SLC26A7: variants seen among roughly 807,000 people sequenced by gnomAD.
SLC26A7 encodes solute carrier family 26 member 7.
In SLC26A7, 59 loss-of-function variants were observed where a neutral mutation model predicts 82.5. The ratio of observed to expected loss-of-function variants is 0.72; its 90% CI spans 0.58 to 0.89. SLC26A7 has a LOEUF of 0.89. Among genes scored for constraint, SLC26A7 ranks in the 40% least tolerant of loss-of-function variants. The pLI is 0.00. For missense variants in SLC26A7, 820 were observed against 793.0 expected (o/e 1.03, Z -0.41); for synonymous variants, 271 against 274.3 (o/e 0.99, Z 0.12).
intron 4 of SLC26A7, among the ~76,000 whole-genome samples, chr8:91,300,166 T>C (rs546266374): frequency 2.5e-4 from 38 of 152,278 alleles, no homozygotes; most frequent in South Asian, 1.5e-3. Flanking sequence ...TTTTTCAGAG[T>C]GTTTTAAAAT....
Position 91,395,344 on chromosome 8 carries a change from T to G in SLC26A7, c.*247T>G, listed in dbSNP as rs762951400. 6.0e-6 allele frequency: 5 copies of G among 837,714 alleles called. No individual in the cohort carries two copies. Among genetic ancestry groups the G allele is most frequent in the South Asian group, 4.0e-5 (1 of 25,278 alleles). 51.9% of individuals were successfully genotyped at this position (837,714 alleles called of 1,614,324 possible). A position where few individuals can be genotyped will look rare whatever the true frequency, so the allele number is the denominator to read the frequency against. ...CAGTATGTGTTTAGTTTTAGTGTAC[T>G]GAAGGGTAAACATGGTTTTATTTTA... On this transcript the variant is annotated 3_prime_UTR_variant, in exon 19 of 19. Coordinates refer to ENST00000276609, the MANE Select transcript of SLC26A7 (RefSeq NM_052832.4).
intron 4 of SLC26A7, among the ~76,000 whole-genome samples, chr8:91,309,106 T>C (rs1015964132): frequency 6.6e-6 from 1 of 152,056 alleles, no homozygotes; most frequent in African/African-American, 2.4e-5. Flanking sequence ...TTTTTATGTA[T>C]GTTAAACATA....
chr8:91,236,014 AAC>A (rs1446786080), intron 2 of SLC26A7, among the ~76,000 whole-genome samples: 1 of 152,198 alleles, frequency 6.6e-6, no homozygotes, highest in Non-Finnish European at 1.5e-5. Flanking sequence ...TAACTTTATG[AAC>A]TATAAATCTC....
At chr8:91,293,128 A>G (rs1811918875) in intron 3 of SLC26A7, among the ~76,000 whole-genome samples, 1 of 152,158 alleles carries the variant, frequency 6.6e-6, no homozygotes, top group Non-Finnish European at 1.5e-5. Flanking sequence ...AAGCTGAGAG[A>G]GGTTAGGTAA....
intron 2 of SLC26A7, among the ~76,000 whole-genome samples, chr8:91,280,890 T>C (rs1323645796): frequency 1.3e-5 from 2 of 152,230 alleles, no homozygotes; most frequent in African/African-American, 4.8e-5. Context: ...CCTGTTTATA[T>C]ATGATGAGCT....
At chr8:91,379,224 A>C (rs77246546) in intron 15 of SLC26A7, among the ~76,000 whole-genome samples, 1 of 152,102 alleles carries the variant, frequency 6.6e-6, no homozygotes, top group Non-Finnish European at 1.5e-5. Context: ...AATACTTGAT[A>C]TCAAAAAGCA....
intron 8 of SLC26A7, 193 bp downstream of exon 8, chr8:91,340,744 G>T: frequency 1.6e-6 from 1 of 626,074 alleles, no homozygotes; most frequent in Non-Finnish European, 2.7e-6. Context: ...TGTTCACAAT[G>T]CTTTTTATTT....
At chr8:91,296,291 G>T (rs185076197) in intron 4 of SLC26A7, among the ~76,000 whole-genome samples, 2 of 152,100 alleles carry the variant, frequency 1.3e-5, no homozygotes, top group Admixed American at 1.3e-4. Context: ...CTAATCAGTC[G>T]TCAAAATTTG....
chr8:91,337,635 T>C (rs960364656), intron 6 of SLC26A7, among the ~76,000 whole-genome samples: 1 of 152,172 alleles, frequency 6.6e-6, no homozygotes, highest in African/African-American at 2.4e-5. Context: ...CATGTTTCAC[T>C]ACAAGAAATA....
intron 2 of SLC26A7, among the ~76,000 whole-genome samples, chr8:91,220,379 T>C (rs1314164888): frequency 1.3e-5 from 2 of 151,736 alleles, no homozygotes; most frequent in Non-Finnish European, 1.5e-5. Context: ...TTTTTTTCTT[T>C]ATTTCTTCTA....
chr8:91,251,555 G>A lies in SLC26A7; in HGVS notation c.193+1711G>A, dbSNP rs532864217. 2.6e-5 allele frequency among the ~76,000 whole-genome samples: 4 copies of A among 152,030 alleles called. 1 individual carries two copies. The highest frequency in any genetic ancestry group is 7.2e-5 in the African/African-American group (3 of 41,466). On this transcript the variant is annotated intron_variant, in intron 2 of 18. Transcript: ENST00000276609. Reference sequence around the variant, plus strand: ...AAACTTTTTCATGCTCATCTACTACGTATAGACAGTTAAAAAGTGAAATGC... The same window carrying A: ...AAACTTTTTCATGCTCATCTACTACATATAGACAGTTAAAAAGTGAAATGC...
At chr8:91,219,209 A>G (rs1810115222) in intron 2 of SLC26A7, 1 of 356,522 alleles carries the variant, frequency 2.8e-6, no homozygotes, top group East Asian at 4.1e-5. Context: ...TTTTTGGCTT[A>G]AAAAAGTACA....
At position 91,338,213 on chromosome 8, in the gene SLC26A7, G is replaced by C. The variant is rs748320411; in HGVS notation, c.859G>C (p.Val287Leu). 6.2e-6 allele frequency: 10 copies of C among 1,608,346 alleles called. No homozygotes were observed. In the African/African-American group the frequency reaches 1.1e-4, roughly 17 times the overall value. The change falls in exon 7 of 19, where the codon GTT becomes CTT. Residue 287 changes from valine to leucine, a missense_variant. By Grantham distance (32) the Val-to-Leu change is conservative (BLOSUM62 1). Coordinates refer to ENST00000276609, the MANE Select transcript of SLC26A7 (RefSeq NM_052832.4). ...NMENTYGLEVVGHIPQGIPSP... is the reference protein window; with the variant it reads ...NMENTYGLEVLGHIPQGIPSP... ...GGAAAACACATATGGATTAGAAGTA[G>C]TTGGTCATATTCCACAAGGGTAATG...
At chr8:91,234,827 A>ACCTACTTCCTTC (rs1386380375) in intron 2 of SLC26A7, among the ~76,000 whole-genome samples, 2,398 of 92,244 alleles carry the variant, frequency 0.026, 41 homozygotes, top group East Asian at 0.1. Context: ...CTACCTACCT[A>ACCTACTTCCTTC]CTTCCTTCCT....
At chr8:91,341,579 A>G (rs1813414325) in intron 8 of SLC26A7, among the ~76,000 whole-genome samples, 1 of 152,200 alleles carries the variant, frequency 6.6e-6, no homozygotes, top group South Asian at 2.1e-4. Flanking sequence ...TTCATTCCAC[A>G]GATATATGTT....
chr8:91,219,636 A>C (rs1810126572), intron 2 of SLC26A7, among the ~76,000 whole-genome samples: 1 of 152,202 alleles, frequency 6.6e-6, no homozygotes, highest in African/African-American at 2.4e-5. Flanking sequence ...TAAGTTATGA[A>C]AATATGTGGT....
At chr8:91,258,808 C>G (rs764542393) in intron 2 of SLC26A7, among the ~76,000 whole-genome samples, 1 of 152,058 alleles carries the variant, frequency 6.6e-6, no homozygotes, top group Non-Finnish European at 1.5e-5. Context: ...TAAGAGCCAC[C>G]AAAATTTACC....
Position 91,340,399 on chromosome 8 carries a change from C to T in SLC26A7, c.879-5C>T, listed in dbSNP as rs749485502. 5.6e-6 allele frequency: 9 copies of T among 1,612,798 alleles called. No homozygotes were observed. The South Asian group carries it at 6.6e-5, about 12-fold the overall frequency. ...ATGACTTCAATATGGTCCTTCTTTCCACAGAATTCCCTCACCTAGAGCTCC... is the reference window on the plus strand; with the variant it reads ...ATGACTTCAATATGGTCCTTCTTTCTACAGAATTCCCTCACCTAGAGCTCC... On this transcript the variant is annotated splice_polypyrimidine_tract_variant and splice_region_variant and intron_variant, in intron 7 of 18. Coordinates refer to ENST00000276609, the MANE Select transcript of SLC26A7 (RefSeq NM_052832.4).
At chr8:91,369,986 C>T (rs189572305) in intron 15 of SLC26A7, among the ~76,000 whole-genome samples, 153 bp downstream of exon 15, 53 of 152,088 alleles carry the variant, frequency 3.5e-4, no homozygotes, top group Admixed American at 2.7e-3. Context: ...CTACTCTCCT[C>T]CTCCCTTCTA....
Sources: gnomAD v4.1 joint callset for allele counts (sites outside exome capture counted in the v4.1 genomes callset) on GRCh38, gnomAD v4.1.1 for gene constraint, MANE v1.5 for transcripts, NCBI Gene and HGNC (gene_info 2026-07-23, HGNC 2026-07-21) for gene names.